PTRH2: variants seen among roughly 807,000 people sequenced by gnomAD.
PTRH2 encodes the protein peptidyl-tRNA hydrolase 2, mitochondrial.
A neutral mutation model predicts 12.3 loss-of-function variants in PTRH2; 10 were observed. That is an observed-to-expected ratio of 0.81 (90% confidence interval 0.50 to 1.38). PTRH2 has a LOEUF of 1.38. Among genes scored for constraint, PTRH2 ranks in the 40% most tolerant of loss-of-function variants. The pLI is 0.00. For synonymous variants in PTRH2, 73 were observed against 77.4 expected (o/e 0.94, Z 0.30); for missense variants, 176 against 214.1 (o/e 0.82, Z 1.11).
At chr17:59,701,202 G>T in intron 1 of PTRH2, 1 of 152,310 alleles carries the variant, frequency 6.6e-6, no homozygotes. Flanking sequence ...AGTGGTACAA[G>T]GGAATTTAGG....
At chr17:59,698,974 C>T in intron 1 of PTRH2, 1 of 696,340 alleles carries the variant, frequency 1.4e-6, no homozygotes, top group Non-Finnish European at 2.7e-6. Flanking sequence ...TCCTCAATTT[C>T]TCTCTCTTCT....
chr17:59,701,859 AT>A (rs999977067), intron 1 of PTRH2, among the ~76,000 whole-genome samples: 550 of 134,094 alleles, frequency 4.1e-3, no homozygotes, highest in Middle Eastern at 7.5e-3. Context: ...CACCCGGCTA[AT>A]TTTTTTTTTT....
At chr17:59,700,499 T>C (rs962644854) in intron 1 of PTRH2, 3 of 152,332 alleles carry the variant, frequency 2.0e-5, no homozygotes, top group Non-Finnish European at 4.4e-5. Context: ...GAAGTACTTA[T>C]AAATTTCCTT....
At chr17:59,702,365 C>A (rs2143646577) in intron 1 of PTRH2, among the ~76,000 whole-genome samples, 1 of 152,282 alleles carries the variant, frequency 6.6e-6, no homozygotes, top group Non-Finnish European at 1.5e-5. Flanking sequence ...CAACACAGAT[C>A]CCTCGCATGG....
At chr17:59,705,836 G>A (rs1373078071) in intron 1 of PTRH2, among the ~76,000 whole-genome samples, 1 of 151,570 alleles carries the variant, frequency 6.6e-6, no homozygotes, top group Non-Finnish European at 1.5e-5. Flanking sequence ...CTCAGGCTGG[G>A]AGGTGGAAAT....
At position 59,697,793 on chromosome 17, in the gene PTRH2, G is replaced by A. The variant is rs1037221821; in HGVS notation, c.186C>T (p.Ser62=). ...TESEASILGD[S]GEYKMILVVR... is the part of the protein sequence containing the mutation. The stretch of plus-strand genomic sequence containing the variant: ...CCACAAGAATCATCTTGTACTCCCC[G>A]CTGTCTCCCAAGATGCTTGCTTCAC... The change falls in exon 2 of 2, where the codon AGC becomes AGT. Residue 62 remains serine, a synonymous_variant. Transcript: ENST00000393038. 13 of 1,613,964 alleles carry A rather than the reference G, an allele frequency of 8.1e-6. No individual in the cohort carries two copies. The highest frequency in any genetic ancestry group is 1.7e-5 in the Admixed American group (1 of 59,994).
At chr17:59,706,142 G>A (rs988479526) in intron 1 of PTRH2, among the ~76,000 whole-genome samples, 5 of 152,124 alleles carry the variant, frequency 3.3e-5, no homozygotes, top group Non-Finnish European at 5.9e-5. Flanking sequence ...CTTACGACAA[G>A]CGTATCAATA....
intron 1 of PTRH2, among the ~76,000 whole-genome samples, chr17:59,701,744 C>T (rs2033557135): frequency 1.3e-5 from 2 of 152,180 alleles, no homozygotes; most frequent in South Asian, 2.1e-4. Context: ...CTCGCTCTGT[C>T]GCCCAGGCTA....
Position 59,697,345 on chromosome 17 carries a change from T to C in PTRH2, c.*94A>G. 1 of 1,386,216 alleles carries C rather than the reference T, an allele frequency of 7.2e-7. No homozygotes were observed. 85.9% of individuals were successfully genotyped at this position (1,386,216 alleles called of 1,614,324 possible). On this transcript the variant is annotated 3_prime_UTR_variant, in exon 2 of 2. Transcript: ENST00000393038. ...AGGTTTTATTTTCATCTCAAGAACA[T>C]TTAAGTTGGGTGAAGAAATTCAGCT...
chr17:59,703,316 T>G (rs889080201), intron 1 of PTRH2, among the ~76,000 whole-genome samples: 1 of 151,904 alleles, frequency 6.6e-6, no homozygotes, highest in Non-Finnish European at 1.5e-5. Flanking sequence ...TGAGCCACTG[T>G]GCCTGGCTCT....
chr17:59,698,047 G>A lies in PTRH2; in HGVS notation c.1-69C>T, dbSNP rs113851536. 7,392 of 1,456,244 alleles carry A rather than the reference G, an allele frequency of 5.1e-3. 19 individuals are homozygous for A. The highest frequency in any genetic ancestry group is 0.016 in the Middle Eastern group (88 of 5,634). The allele number at this position is 1,456,244 out of a possible 1,614,324, so 90.2% of individuals were successfully genotyped here. On this transcript the variant is annotated intron_variant, in intron 1 of 1. Coordinates refer to ENST00000393038, the MANE Select transcript of PTRH2 (RefSeq NM_016077.5). ...CTTACAGAGGTATAGGCTTATCAGA[G>A]AAACATTTTGACTATACACTTAATG... is the stretch of plus-strand genomic sequence containing the variant.
chr17:59,706,431 A>T (rs1230607344), intron 1 of PTRH2, among the ~76,000 whole-genome samples: 1 of 151,974 alleles, frequency 6.6e-6, no homozygotes, highest in Non-Finnish European at 1.5e-5. Flanking sequence ...GGCTCAAGCA[A>T]TCCTCCTGTC....
chr17:59,702,323 T>A (rs962059947), intron 1 of PTRH2, among the ~76,000 whole-genome samples: 29 of 152,176 alleles, frequency 1.9e-4, no homozygotes, highest in African/African-American at 6.8e-4. Flanking sequence ...CAGTAACAGA[T>A]CATCAGACAT....
intron 1 of PTRH2, 41 bp from the exon 2 acceptor site, chr17:59,698,019 C>A (rs779331292): frequency 3.2e-6 from 5 of 1,575,392 alleles, no homozygotes; most frequent in Non-Finnish European, 4.3e-6. Flanking sequence ...CCGGCAGTAA[C>A]AACTTACAGA....
chr17:59,702,730 T>C (rs554096230), intron 1 of PTRH2, among the ~76,000 whole-genome samples: 3 of 152,340 alleles, frequency 2.0e-5, no homozygotes, highest in East Asian at 1.9e-4. Flanking sequence ...TCAAGGTAAA[T>C]AGAGCTGGTC....
rs374956553 is a variant in PTRH2 at position 59,698,644 on chromosome 17, C to G, written c.1-666G>C. 5.9e-6 allele frequency: 3 copies of G among 505,614 alleles called. No homozygotes were observed. In the South Asian group the frequency reaches 8.2e-5, roughly 14 times the overall value. The allele number at this position is 505,614 out of a possible 1,614,324, so 31.3% of individuals were successfully genotyped here. A position where few individuals can be genotyped will look rare whatever the true frequency, so the allele number is the denominator to read the frequency against. On this transcript the variant is annotated intron_variant, in intron 1 of 1. Coordinates refer to ENST00000393038, the MANE Select transcript of PTRH2 (RefSeq NM_016077.5). ...CCTCAATTTTCCATGGGGTTATATCCCAATTAACCCAATTAATTGAAAATA... is the reference window on the plus strand; with the variant it reads ...CCTCAATTTTCCATGGGGTTATATCGCAATTAACCCAATTAATTGAAAATA...
At chr17:59,699,594 T>C (rs1176132596) in intron 1 of PTRH2, 4 of 152,876 alleles carry the variant, frequency 2.6e-5, no homozygotes, top group African/African-American at 9.6e-5. Flanking sequence ...TATACGCTTC[T>C]GTATCTGGTC....
At chr17:59,702,625 A>G (rs1463176453) in intron 1 of PTRH2, among the ~76,000 whole-genome samples, 6 of 152,254 alleles carry the variant, frequency 3.9e-5, no homozygotes, top group Non-Finnish European at 8.8e-5. Context: ...AGAGGCTGCT[A>G]TAATGTAGTA....
intron 1 of PTRH2, 188 bp from the exon 2 acceptor site, chr17:59,698,166 T>C: frequency 1.7e-6 from 1 of 605,514 alleles, no homozygotes; most frequent in Admixed American, 3.0e-5. Context: ...CTAGAAAAGA[T>C]TCAAGCATCC....
Sources: gnomAD v4.1 joint callset for allele counts (sites outside exome capture counted in the v4.1 genomes callset) on GRCh38, gnomAD v4.1.1 for gene constraint, MANE v1.5 for transcripts, NCBI Gene and HGNC (gene_info 2026-07-23, HGNC 2026-07-21) for gene names.